The following CFAP107 variants were observed in gnomAD, a reference collection of about 807,000 sequenced individuals.
CFAP107 encodes the protein cilia- and flagella-associated protein 107.
chr1:12,761,377 C>CCT, the CFAP107 span: 1 of 155,132 alleles, frequency 6.4e-6, no homozygotes, highest in African/African-American at 2.4e-5. Context: ...AATGTGGTTC[C>CCT]CAGGAGGGCA....
chr1:12,755,788 G>C, the CFAP107 span: 2 of 1,613,472 alleles, frequency 1.2e-6, no homozygotes, highest in Admixed American at 1.7e-5. Flanking sequence ...CAGATCTCCA[G>C]GTGGTATGGG....
At chr1:12,746,426 T>C in the CFAP107 span, 1 of 1,610,780 alleles carries the variant, frequency 6.2e-7, no homozygotes, top group East Asian at 2.2e-5. Context: ...GGGCAAATCC[T>C]TAACATGTTT....
At chr1:12,748,461 T>TA in the CFAP107 span, among the ~76,000 whole-genome samples, 4,972 of 121,964 alleles carry the variant, frequency 0.041, 102 homozygotes, top group South Asian at 0.054. Flanking sequence ...GTAGGGGAAT[T>TA]AAAAAAAAAA....
the CFAP107 span, chr1:12,761,871 A>G: frequency 6.6e-6 from 1 of 152,314 alleles, no homozygotes; most frequent in Non-Finnish European, 1.5e-5. Flanking sequence ...GGCAGAGGGG[A>G]GAACCTCTGG....
chr1:12,761,042 C>A, the CFAP107 span: 2 of 1,302,782 alleles, frequency 1.5e-6, no homozygotes, highest in Non-Finnish European at 2.1e-6. Context: ...CAGATAAACT[C>A]AGAGTACGAG....
the CFAP107 span, among the ~76,000 whole-genome samples, chr1:12,757,980 A>G: frequency 1.2e-3 from 187 of 152,244 alleles, 2 homozygotes; most frequent in East Asian, 7.7e-4. Flanking sequence ...AGTAGTGGAC[A>G]CTAGAGACCT....
the CFAP107 span, chr1:12,759,235 A>T: frequency 2.0e-6 from 3 of 1,530,638 alleles, no homozygotes; most frequent in African/African-American, 4.1e-5. Flanking sequence ...TACATGTGGC[A>T]GCTCCTGTCT....
At chr1:12,755,170 G>T in the CFAP107 span, among the ~76,000 whole-genome samples, 1 of 152,206 alleles carries the variant, frequency 6.6e-6, no homozygotes, top group Non-Finnish European at 1.5e-5. Context: ...ACTTTGGGAG[G>T]CCGAGGCACG....
chr1:12,750,107 G>A, the CFAP107 span, among the ~76,000 whole-genome samples: 242 of 152,272 alleles, frequency 1.6e-3, 1 homozygote, highest in Non-Finnish European at 2.8e-3. Flanking sequence ...GCAGAGGGAG[G>A]CAGAGCTATA....
At chr1:12,760,350 A>C in the CFAP107 span, among the ~76,000 whole-genome samples, 1 of 152,216 alleles carries the variant, frequency 6.6e-6, no homozygotes, top group African/African-American at 2.4e-5. Context: ...CTTTTGATGC[A>C]AAGGGACACA....
the CFAP107 span, chr1:12,763,010 A>G: frequency 6.6e-6 from 1 of 152,108 alleles, no homozygotes; most frequent in Non-Finnish European, 1.5e-5. Context: ...AGCACAGTGA[A>G]ACACTGTCTC....
chr1:12,752,821 C>CT, the CFAP107 span, among the ~76,000 whole-genome samples: 8 of 152,090 alleles, frequency 5.3e-5, no homozygotes, highest in African/African-American at 1.7e-4. Flanking sequence ...AAAATGCCAG[C>CT]CTTTTCCACT....
the CFAP107 span, among the ~76,000 whole-genome samples, chr1:12,757,357 C>CTTTCTT: frequency 1.7e-5 from 2 of 117,708 alleles, no homozygotes; most frequent in African/African-American, 6.9e-5. Flanking sequence ...CTTTTCTTTT[C>CTTTCTT]TTTCTTTTTC....
At chr1:12,758,073 T>C in the CFAP107 span, among the ~76,000 whole-genome samples, 1 of 152,184 alleles carries the variant, frequency 6.6e-6, no homozygotes, top group Non-Finnish European at 1.5e-5. Flanking sequence ...ATGGTTCCCA[T>C]GGAAACCACA....
At chr1:12,761,152 T>G in the CFAP107 span, 1 of 548,424 alleles carries the variant, frequency 1.8e-6, no homozygotes, top group African/African-American at 1.9e-5. Context: ...ATCCAACAAT[T>G]AAAGATCTTT....
the CFAP107 span, chr1:12,755,575 G>A: frequency 2.8e-6 from 2 of 708,046 alleles, no homozygotes; most frequent in East Asian, 2.7e-5. Flanking sequence ...GTTGGGCAGG[G>A]TGTCCAGGGG....
At chr1:12,747,402 CT>C in the CFAP107 span, among the ~76,000 whole-genome samples, 1 of 151,998 alleles carries the variant, frequency 6.6e-6, no homozygotes, top group African/African-American at 2.4e-5. Context: ...CAATTTGGCT[CT>C]TGGTTTTCCA....
chr1:12,753,749 T>A, the CFAP107 span: 5 of 152,136 alleles, frequency 3.3e-5, no homozygotes, highest in Admixed American at 3.3e-4. Flanking sequence ...GGATGAGACC[T>A]AAAACTACAA....
At chr1:12,758,093 C>T in the CFAP107 span, among the ~76,000 whole-genome samples, 5 of 152,182 alleles carry the variant, frequency 3.3e-5, no homozygotes, top group Non-Finnish European at 5.9e-5. Context: ...AGTAAAGGCT[C>T]TGGGCCCTGC....
Sources: allele counts gnomAD v4.1 joint callset (sites outside exome capture counted in the v4.1 genomes callset), GRCh38; gene constraint gnomAD v4.1.1; transcripts MANE v1.5; gene names NCBI Gene and HGNC (gene_info 2026-07-23, HGNC 2026-07-21).